The following ANKS1B variants were observed in gnomAD, a reference collection of about 807,000 sequenced individuals.
ANKS1B encodes the protein ankyrin repeat and sterile alpha motif domain-containing protein 1B.
In ANKS1B, 36 loss-of-function variants were observed where a neutral mutation model predicts 148.3. The ratio of observed to expected loss-of-function variants is 0.24; its 90% CI spans 0.19 to 0.32. The LOEUF (loss-of-function observed/expected upper bound fraction) is 0.32, where lower values mean the gene tolerates loss of function less well. ANKS1B is among the 10% of genes least tolerant of loss of function. ANKS1B has a pLI of 1.00. For missense variants in ANKS1B, 1,157 were observed against 1,542.6 expected, an observed-to-expected ratio of 0.75 and a Z score of 4.19; for synonymous variants, 542 against 560.8, an observed-to-expected ratio of 0.97 and a Z score of 0.47.
chr12:99,943,689 C>T (rs1020369556), intron 1 of ANKS1B, among the ~76,000 whole-genome samples: 1 of 152,074 alleles, frequency 6.6e-6, no homozygotes, highest in East Asian at 1.9e-4. Context: ...TCAATTACCC[C>T]CCACCAGGTC....
At chr12:99,006,358 G>A (rs2099936150) in intron 17 of ANKS1B, among the ~76,000 whole-genome samples, 1 of 152,182 alleles carries the variant, frequency 6.6e-6, no homozygotes, top group South Asian at 2.1e-4. Context: ...CACAGTCCCT[G>A]CTTTTGAGGG....
intron 8 of ANKS1B, among the ~76,000 whole-genome samples, chr12:99,658,166 G>C (rs1599006995): frequency 6.6e-6 from 1 of 152,106 alleles, no homozygotes; most frequent in Middle Eastern, 3.4e-3. Context: ...AGTGGTTAAG[G>C]GCTTGGGCTC....
At chr12:99,376,325 C>T (rs73151130) in intron 12 of ANKS1B, among the ~76,000 whole-genome samples, 18,944 of 152,208 alleles carry the variant, frequency 0.12, 1,241 homozygotes, top group African/African-American at 0.17. Context: ...CCTCTTGGAT[C>T]CTGTTGCACA....
At chr12:98,924,134 C>T (rs11109673) in intron 17 of ANKS1B, among the ~76,000 whole-genome samples, 10,185 of 152,226 alleles carry the variant, frequency 0.067, 702 homozygotes, top group South Asian at 0.25. Flanking sequence ...TGGCAGAGGT[C>T]TGATTAAAGC....
intron 17 of ANKS1B, among the ~76,000 whole-genome samples, chr12:98,886,274 G>T (rs1347586672): frequency 6.6e-6 from 1 of 152,174 alleles, no homozygotes; most frequent in African/African-American, 2.4e-5. Context: ...AAGGACTAAA[G>T]ATCATAATTT....
At chr12:99,016,895 G>T (rs952910342) in intron 17 of ANKS1B, among the ~76,000 whole-genome samples, 6 of 152,174 alleles carry the variant, frequency 3.9e-5, no homozygotes, top group African/African-American at 1.4e-4. Context: ...CTTGGCTGTA[G>T]GGTTGCAGGT....
chr12:99,490,679 A>T (rs2096546298), intron 10 of ANKS1B, among the ~76,000 whole-genome samples: 1 of 152,202 alleles, frequency 6.6e-6, no homozygotes, highest in African/African-American at 2.4e-5. Context: ...TCTAGAATAC[A>T]ATATAATCAA....
chr12:99,310,528 G>A (rs1566862061), intron 12 of ANKS1B, among the ~76,000 whole-genome samples: 1 of 152,052 alleles, frequency 6.6e-6, no homozygotes, highest in Non-Finnish European at 1.5e-5. Context: ...ACTACCTTCG[G>A]ATTGAGACAT....
intron 17 of ANKS1B, among the ~76,000 whole-genome samples, chr12:99,030,902 C>T (rs2099951711): frequency 6.6e-6 from 1 of 152,162 alleles, no homozygotes; most frequent in Non-Finnish European, 1.5e-5. Flanking sequence ...GAACATGTCT[C>T]TAACTTCTGA....
chr12:98,795,127 A>C (rs2098936277), intron 22 of ANKS1B, among the ~76,000 whole-genome samples: 1 of 152,256 alleles, frequency 6.6e-6, no homozygotes, highest in Admixed American at 6.5e-5. Context: ...ACTAGGCAGC[A>C]TTTGTATAAT....
intron 15 of ANKS1B, among the ~76,000 whole-genome samples, 157 bp downstream of exon 15, chr12:99,154,132 A>G (rs866455060): frequency 6.6e-6 from 1 of 152,234 alleles, no homozygotes; most frequent in Non-Finnish European, 1.5e-5. Context: ...ATATGTACAC[A>G]GCAAGTTCAG....
chr12:99,950,113 A>ATTTTTTTTTTTTTTTTTTT (rs35287842), intron 1 of ANKS1B, among the ~76,000 whole-genome samples: 5 of 90,542 alleles, frequency 5.5e-5, no homozygotes, highest in African/African-American at 2.5e-4. Flanking sequence ...TGCTCAGTTA[A>ATTTTTTTTTTTTTTTTTTT]TTTTTTTTTT....
chr12:99,415,682 C>A (rs1035313210), intron 11 of ANKS1B, among the ~76,000 whole-genome samples: 4 of 151,994 alleles, frequency 2.6e-5, no homozygotes, highest in African/African-American at 9.7e-5. Context: ...ACGAGGATCC[C>A]TCCCATTGCC....
At chr12:98,818,296 A>C (rs2099158546) in intron 19 of ANKS1B, among the ~76,000 whole-genome samples, 1 of 152,166 alleles carries the variant, frequency 6.6e-6, no homozygotes, top group African/African-American at 2.4e-5. Flanking sequence ...GGAGAGAAGG[A>C]GAGAACTATA....
chr12:99,676,511 C>T (rs78243408), intron 8 of ANKS1B, among the ~76,000 whole-genome samples: 5,290 of 152,190 alleles, frequency 0.035, 339 homozygotes, highest in African/African-American at 0.12. Context: ...CAGAGGCAAT[C>T]CTAAGAATTT....
chr12:99,593,111 T>C (rs1381497757), intron 9 of ANKS1B, among the ~76,000 whole-genome samples: 1 of 152,032 alleles, frequency 6.6e-6, no homozygotes, highest in Non-Finnish European at 1.5e-5. Context: ...GTTCTATCAG[T>C]AGTTCAAAAA....
chr12:99,470,600 T>A (rs561747679), intron 10 of ANKS1B, among the ~76,000 whole-genome samples: 1 of 152,312 alleles, frequency 6.6e-6, no homozygotes, highest in Non-Finnish European at 1.5e-5. Context: ...TATAGTTTAA[T>A]AGATTACTTC....
At chr12:99,111,458 C>T (rs1419350725) in intron 15 of ANKS1B, among the ~76,000 whole-genome samples, 2 of 151,960 alleles carry the variant, frequency 1.3e-5, no homozygotes, top group Non-Finnish European at 2.9e-5. Context: ...ATGAAAGAGG[C>T]TTGACTCAGC....
intron 12 of ANKS1B, among the ~76,000 whole-genome samples, chr12:99,263,200 C>T (rs1392617001): frequency 6.6e-6 from 1 of 152,008 alleles, no homozygotes; most frequent in East Asian, 1.9e-4. Context: ...GGTACCCATG[C>T]TCCTTACTGT....
Sources: allele counts gnomAD v4.1 joint callset (sites outside exome capture counted in the v4.1 genomes callset), GRCh38; gene constraint gnomAD v4.1.1; transcripts MANE v1.5; gene names NCBI Gene and HGNC (gene_info 2026-07-23, HGNC 2026-07-21).